LY75: variants seen among roughly 807,000 people sequenced by gnomAD.
LY75 encodes the protein lymphocyte antigen 75.
A neutral mutation model predicts 231.7 loss-of-function variants in LY75; 185 were observed. That is an observed-to-expected ratio of 0.80 (90% confidence interval 0.71 to 0.90). LY75 has a LOEUF of 0.90. Ranked by LOEUF, LY75 falls within the 40% of genes least tolerant of loss-of-function variation. LY75 has a pLI of 0.00. For synonymous variants in LY75, 668 were observed against 689.0 expected, an observed-to-expected ratio of 0.97 and a Z score of 0.48; for missense variants, 1,947 against 2,050.2, an observed-to-expected ratio of 0.95 and a Z score of 0.97.
chr2:159,879,464 G>C, intron 8 of LY75, 95 bp from the exon 9 acceptor site: 1 of 1,521,794 alleles, frequency 6.6e-7, no homozygotes, highest in South Asian at 1.2e-5. Flanking sequence ...GACAGAGAGA[G>C]AGAAATGAAT....
chr2:159,845,149 G>T (rs1351689296), intron 23 of LY75, among the ~76,000 whole-genome samples: 2 of 152,104 alleles, frequency 1.3e-5, no homozygotes, highest in African/African-American at 2.4e-5. Flanking sequence ...TCTAAAGGAA[G>T]AGTTGAATAA....
chr2:159,837,069 G>A (rs1022940094), intron 25 of LY75, among the ~76,000 whole-genome samples: 19 of 152,116 alleles, frequency 1.2e-4, no homozygotes, highest in African/African-American at 2.9e-4. Context: ...CAGCCCCTGC[G>A]GAAAGTAGTT....
At position 159,860,824 on chromosome 2, in the gene LY75, G is replaced by A. The variant is rs767292462; in HGVS notation, c.2265C>T (p.Val755=). Residue 755 remains valine, a synonymous_variant, in exon 15 of 35, where the codon GTC becomes GTT. Transcript: ENST00000263636. ...GATTTTCCAGCATTGTACTGACCTT[G>A]ACAGCAGCACAGTCTCTGATGTCAT... The part of the protein sequence containing the change: ...QDYDIRDCAA[V]KVFHRPWRRG... 4.3e-6 allele frequency: 7 copies of A among 1,613,882 alleles called. No homozygotes were observed. The East Asian group carries it at 1.6e-4, about 36-fold the overall frequency.
At chr2:159,834,439 T>A (rs930877206) in intron 26 of LY75, among the ~76,000 whole-genome samples, 3 of 152,184 alleles carry the variant, frequency 2.0e-5, no homozygotes, top group African/African-American at 7.2e-5. Context: ...TGGAAGAATG[T>A]AAAAAATGAG....
chr2:159,831,868 T>C (rs1325788229), intron 27 of LY75, 82 bp from the exon 28 acceptor site: 1 of 1,178,850 alleles, frequency 8.5e-7, no homozygotes, highest in Non-Finnish European at 1.2e-6. Flanking sequence ...ACATTTTAGT[T>C]CTCAGTTTAA....
chr2:159,871,464 A>T (rs1011261595), intron 13 of LY75, among the ~76,000 whole-genome samples: 23 of 152,014 alleles, frequency 1.5e-4, no homozygotes, highest in African/African-American at 5.6e-4. Context: ...TTTTAAAATT[A>T]AAAAATTTAA....
chr2:159,902,028 T>C (rs1332228276), intron 1 of LY75, among the ~76,000 whole-genome samples: 1 of 152,244 alleles, frequency 6.6e-6, no homozygotes, highest in African/African-American at 2.4e-5. Context: ...AGTGTGAACA[T>C]AATCCCTTAT....
At chr2:159,854,675 G>T in intron 17 of LY75, 140 bp from the exon 18 acceptor site, 1 of 1,190,026 alleles carries the variant, frequency 8.4e-7, no homozygotes, top group African/African-American at 1.5e-5. Context: ...TGACTACAAG[G>T]AACAAGAGAT....
intron 5 of LY75, among the ~76,000 whole-genome samples, chr2:159,886,099 G>A (rs1244051388): frequency 6.6e-6 from 1 of 152,140 alleles, no homozygotes; most frequent in African/African-American, 2.4e-5. Context: ...CACAGCATGG[G>A]TGAGTTATAG....
At chr2:159,879,742 C>A (rs1685379305) in intron 8 of LY75, among the ~76,000 whole-genome samples, 1 of 152,190 alleles carries the variant, frequency 6.6e-6, no homozygotes, top group Non-Finnish European at 1.5e-5. Flanking sequence ...GGTACATCAT[C>A]AACCTCCCTT....
At position 159,834,185 on chromosome 2, in the gene LY75, C is replaced by A. The variant is rs765672722; in HGVS notation, c.3700G>T (p.Val1234Phe). 1.9e-6 allele frequency: 3 copies of A among 1,613,832 alleles called. No individual in the cohort carries two copies. The highest frequency in any genetic ancestry group is 2.5e-6 in the Non-Finnish European group (3 of 1,179,882). The stretch of plus-strand genomic sequence containing the variant: ...GGAGATGGACATTTAACACTGTCAA[C>A]TGGTTTGACCTCTTTTTCAGTCTCA... ...GNETEKEVKP[V>F]DSVKCPSPVL... Residue 1234 changes from valine to phenylalanine, a missense_variant, in exon 27 of 35, where the codon GTT becomes TTT. Transcript: ENST00000263636.
chr2:159,834,713 G>C (rs1402132154), intron 26 of LY75, among the ~76,000 whole-genome samples: 1 of 152,196 alleles, frequency 6.6e-6, no homozygotes, highest in East Asian at 1.9e-4. Context: ...TACAGTATCT[G>C]ATTATGATCT....
chr2:159,830,683 G>A (rs1247529295), intron 28 of LY75, among the ~76,000 whole-genome samples: 2 of 148,368 alleles, frequency 1.3e-5, no homozygotes, highest in Non-Finnish European at 3.0e-5. Context: ...TCTGCCTCCC[G>A]GGTTCAAGTG....
At position 159,805,196 on chromosome 2, in the gene LY75, T is replaced by G. The variant is rs1342462136; in HGVS notation, c.5017A>C (p.Ile1673Leu). 6.2e-7 allele frequency: 1 copy of G among 1,614,004 alleles called. No individual in the cohort carries two copies. The highest frequency in any genetic ancestry group is 2.2e-5 in the East Asian group (1 of 44,878). Residue 1673 changes from isoleucine to leucine, a missense_variant, in exon 35 of 35, where the codon ATA (isoleucine) becomes CTA (leucine). Ile to Leu is a conservative substitution (Grantham distance 5, BLOSUM62 2). Coordinates refer to ENST00000263636, the MANE Select transcript of LY75 (RefSeq NM_002349.4). ...LGPDYTAIAI[I>L]VATLSILVLM... The stretch of plus-strand genomic sequence containing the variant: ...ACTAAGATACTTAGTGTGGCAACTA[T>G]GATAGCTATTGCTGTGTAATCAGGG...
chr2:159,824,605 C>G (rs971809091), intron 28 of LY75, among the ~76,000 whole-genome samples: 1 of 152,174 alleles, frequency 6.6e-6, no homozygotes, highest in South Asian at 2.1e-4. Flanking sequence ...AGCTCTGGAC[C>G]AAGTGGACCT....
intron 28 of LY75, among the ~76,000 whole-genome samples, chr2:159,827,167 C>T (rs752324871): frequency 7.9e-5 from 12 of 152,170 alleles, no homozygotes; most frequent in Non-Finnish European, 1.6e-4. Flanking sequence ...TCAGAGTCAA[C>T]AGGCAACATA....
intron 2 of LY75, among the ~76,000 whole-genome samples, chr2:159,895,020 A>G (rs991222764): frequency 4.6e-5 from 7 of 152,204 alleles, no homozygotes; most frequent in Non-Finnish European, 7.3e-5. Context: ...CCATTAGGTA[A>G]ATCATAGTAA....
chr2:159,875,631 C>A lies in LY75; in HGVS notation c.1787G>T (p.Gly596Val), dbSNP rs1469975462. The stretch of plus-strand genomic sequence containing the variant: ...CTTTCCAGTAGACATAGCCACGCAG[C>A]CGCCCGGGGAAGCTGGGATTGAAGT... ...WNFLEPASPG[G>V]CVAMSTGKSV... The change falls in exon 12 of 35, where the codon GGC becomes GTC. Residue 596 changes from glycine (G) to valine (V), a missense_variant. Gly to Val is a moderately radical substitution (Grantham distance 109). Transcript: ENST00000263636. 1 of 1,613,748 alleles carries A rather than the reference C, an allele frequency of 6.2e-7. No individual in the cohort carries two copies. The highest frequency in any genetic ancestry group is 8.5e-7 in the Non-Finnish European group (1 of 1,179,936).
intron 4 of LY75, among the ~76,000 whole-genome samples, chr2:159,887,646 T>C: frequency 6.6e-6 from 1 of 151,838 alleles, no homozygotes; most frequent in East Asian, 1.9e-4. Context: ...TTCTTGGGTC[T>C]TGGGAAACCA....
Sources: allele counts gnomAD v4.1 joint callset (sites outside exome capture counted in the v4.1 genomes callset), GRCh38; gene constraint gnomAD v4.1.1; transcripts MANE v1.5; gene names NCBI Gene and HGNC (gene_info 2026-07-23, HGNC 2026-07-21).